SCAPER: variants seen among roughly 807,000 people sequenced by gnomAD.
SCAPER encodes the protein S phase cyclin A-associated protein in the endoplasmic reticulum.
SCAPER carries 98 observed loss-of-function variants against 182.2 expected under a neutral mutation model. The ratio of observed to expected loss-of-function variants is 0.54; its 90% confidence interval spans 0.46 to 0.64. The LOEUF (loss-of-function observed/expected upper bound fraction) is 0.64, where lower values mean the gene tolerates loss of function less well. SCAPER is among the 30% of genes least tolerant of loss of function. The probability of loss-of-function intolerance (pLI) is 0.00; values close to 1 mark genes in which losing one functional copy is unlikely to be tolerated. For missense variants in SCAPER, 1,432 were observed against 1,690.0 expected (o/e 0.85, Z 2.68); for synonymous variants, 605 against 564.6 (o/e 1.07, Z -1.01).
At chr15:76,613,324 A>C (rs1301283851) in intron 22 of SCAPER, among the ~76,000 whole-genome samples, 3 of 152,218 alleles carry the variant, frequency 2.0e-5, no homozygotes, top group African/African-American at 7.2e-5. Flanking sequence ...AAACCCTAGA[A>C]GACAACCTAG....
chr15:76,687,085 A>C (rs2058074736), intron 20 of SCAPER, among the ~76,000 whole-genome samples: 1 of 152,158 alleles, frequency 6.6e-6, no homozygotes, highest in South Asian at 2.1e-4. Flanking sequence ...TGTGATGATA[A>C]ATCTTTGGAA....
In SCAPER at chr15:76,397,766, C is replaced by T. The variant is rs952427871; in HGVS notation, c.3467+6758G>A. On this transcript the variant is annotated intron_variant, in intron 27 of 31. Coordinates refer to ENST00000563290, the MANE Select transcript of SCAPER (RefSeq NM_020843.4). ...TGCTGGGATTACAGGTGTGAGCCAC[C>T]GCGCCCGGTCAGGAGACTTTTATTA... 1.4e-4 allele frequency among the ~76,000 whole-genome samples: 21 copies of T among 152,176 alleles called. 1 individual carries two copies. Among genetic ancestry groups the T allele is most frequent in the African/African-American group, 4.3e-4 (18 of 41,550 alleles).
intron 21 of SCAPER, among the ~76,000 whole-genome samples, chr15:76,659,670 A>T (rs1269813770): frequency 6.6e-6 from 1 of 152,242 alleles, no homozygotes; most frequent in Non-Finnish European, 1.5e-5. Context: ...CAAAACCATA[A>T]TTAGATATCA....
At chr15:76,520,468 T>C (rs937889726) in intron 23 of SCAPER, among the ~76,000 whole-genome samples, 1 of 152,176 alleles carries the variant, frequency 6.6e-6, no homozygotes. Flanking sequence ...CCCAACCACC[T>C]TGACCTCCCA....
chr15:76,876,068 C>T (rs1007680116), intron 2 of SCAPER, among the ~76,000 whole-genome samples: 1 of 152,196 alleles, frequency 6.6e-6, no homozygotes, highest in Non-Finnish European at 1.5e-5. Context: ...AGCTGCTGGC[C>T]CAGGTGCTAA....
intron 21 of SCAPER, among the ~76,000 whole-genome samples, chr15:76,645,866 AT>A (rs2064202524): frequency 6.6e-6 from 1 of 152,216 alleles, no homozygotes; most frequent in African/African-American, 2.4e-5. Context: ...TGTTAAAAAT[AT>A]TTAAAAATTA....
chr15:76,365,340 A>C (rs140713477), intron 29 of SCAPER, among the ~76,000 whole-genome samples: 221 of 152,376 alleles, frequency 1.5e-3, no homozygotes, highest in Non-Finnish European at 1.7e-3. Context: ...TTCTCCAAGA[A>C]TGAGTTACCT....
chr15:76,495,621 A>T (rs890942337), intron 24 of SCAPER, among the ~76,000 whole-genome samples: 3 of 151,110 alleles, frequency 2.0e-5, no homozygotes, highest in Non-Finnish European at 4.4e-5. Flanking sequence ...AGACGATGCA[A>T]TGCTCTGAAA....
At position 76,728,704 on chromosome 15, in the gene SCAPER, C is replaced by A. The variant is rs1397290486; in HGVS notation, c.2056G>T (p.Ala686Ser). 1.2e-6 allele frequency: 2 copies of A among 1,613,386 alleles called. No individual in the cohort carries two copies. Among genetic ancestry groups the A allele is most frequent in the South Asian group, 2.2e-5 (2 of 91,048 alleles). The change falls in exon 17 of 32, where the codon GCC becomes TCC. Residue 686 changes from alanine to serine, a missense_variant. Ala to Ser is a moderately conservative substitution (Grantham distance 99). Coordinates refer to ENST00000563290, the MANE Select transcript of SCAPER (RefSeq NM_020843.4). ...TTCATTAACAATTCTTCTACACGGG[C>A]CTGCCGCTCTGCCTCTAGAGCTCTC... ...RKRALEAERQ[A>S]RVEELLMKRK... is the part of the protein sequence containing the mutation.
At chr15:76,471,154 A>C (rs2050132451) in intron 25 of SCAPER, 58 bp downstream of exon 25, 1 of 1,410,328 alleles carries the variant, frequency 7.1e-7, no homozygotes, top group Admixed American at 2.5e-5. Context: ...AGTTTTCTCC[A>C]CAGGGACTAT....
chr15:76,548,118 T>G (rs2045449027), intron 23 of SCAPER, among the ~76,000 whole-genome samples: 1 of 9,668 alleles, frequency 1.0e-4, no homozygotes. Flanking sequence ...CTTTTCCCGT[T>G]CAGAAAAAAA....
At chr15:76,522,058 C>T (rs2042877860) in intron 23 of SCAPER, among the ~76,000 whole-genome samples, 1 of 152,086 alleles carries the variant, frequency 6.6e-6, no homozygotes, top group African/African-American at 2.4e-5. Flanking sequence ...GTAAATTACA[C>T]ATAAAAAATC....
chr15:76,574,987 T>C (rs1041783762), intron 22 of SCAPER, among the ~76,000 whole-genome samples: 1 of 152,138 alleles, frequency 6.6e-6, no homozygotes, highest in African/African-American at 2.4e-5. Context: ...ATCATCCCCG[T>C]TGCCTTAAAT....
intron 5 of SCAPER, among the ~76,000 whole-genome samples, chr15:76,815,816 C>T (rs1006580587): frequency 7.9e-5 from 12 of 152,128 alleles, no homozygotes; most frequent in African/African-American, 2.2e-4. Flanking sequence ...CCTGCCACAC[C>T]GACCCCAGTC....
chr15:76,367,356 G>A (rs1341958838), intron 29 of SCAPER, among the ~76,000 whole-genome samples: 2 of 152,206 alleles, frequency 1.3e-5, no homozygotes, highest in African/African-American at 4.8e-5. Context: ...CCTTTATACA[G>A]TCTTATCTCA....
At chr15:76,437,852 A>G (rs1171891384) in intron 25 of SCAPER, among the ~76,000 whole-genome samples, 2 of 152,218 alleles carry the variant, frequency 1.3e-5, no homozygotes, top group African/African-American at 4.8e-5. Context: ...TTGAGTACCT[A>G]ACACATACAT....
intron 21 of SCAPER, among the ~76,000 whole-genome samples, chr15:76,664,082 AT>A (rs2056396375): frequency 6.6e-6 from 1 of 152,178 alleles, no homozygotes; most frequent in Non-Finnish European, 1.5e-5. Flanking sequence ...AGCCAGCTGT[AT>A]GGATGTATGT....
At chr15:76,586,683 G>A (rs1326522632) in intron 22 of SCAPER, 1 of 153,684 alleles carries the variant, frequency 6.5e-6, no homozygotes, top group Non-Finnish European at 1.5e-5. Context: ...ATCCCCAGAT[G>A]GATACCAAAA....
intron 2 of SCAPER, among the ~76,000 whole-genome samples, chr15:76,872,251 G>A (rs2072780921): frequency 6.6e-6 from 1 of 152,090 alleles, no homozygotes; most frequent in African/African-American, 2.4e-5. Flanking sequence ...TGGAGACCTT[G>A]AAGGAAAGAA....
Sources: allele counts gnomAD v4.1 joint callset (sites outside exome capture counted in the v4.1 genomes callset), GRCh38; gene constraint gnomAD v4.1.1; transcripts MANE v1.5; gene names NCBI Gene and HGNC (gene_info 2026-07-23, HGNC 2026-07-21).